Variants in XXYLT1 observed in about 807,000 individuals in gnomAD.
The protein encoded by XXYLT1 is xyloside xylosyltransferase 1.
XXYLT1 carries 20 observed loss-of-function variants against 28.9 expected under a neutral mutation model. The observed-to-expected ratio is 0.69, with a 90% CI of 0.49 to 1.00. The LOEUF is 1.00. Ranked by LOEUF, XXYLT1 falls within the 50% of genes least tolerant of loss-of-function variation. XXYLT1 has a pLI of 0.00. For missense variants in XXYLT1, 542 were observed against 560.1 expected (o/e 0.97, Z 0.33); for synonymous variants, 257 against 253.8 (o/e 1.01, Z -0.12).
intron 3 of XXYLT1, among the ~76,000 whole-genome samples, chr3:195,143,933 TCATCCAG>T (rs1436690589): frequency 1.4e-5 from 2 of 145,670 alleles, no homozygotes; most frequent in Non-Finnish European, 3.0e-5. Context: ...ACTCTTGCTG[TCATCCAG>T]GCTGGAGTGC....
At chr3:195,151,745 T>C (rs557485764) in intron 3 of XXYLT1, among the ~76,000 whole-genome samples, 1 of 152,248 alleles carries the variant, frequency 6.6e-6, no homozygotes, top group South Asian at 2.1e-4. Context: ...ATTTGTTATT[T>C]ATGTGAAGTT....
chr3:195,185,416 A>G (rs767262460), intron 2 of XXYLT1, among the ~76,000 whole-genome samples: 1 of 152,034 alleles, frequency 6.6e-6, no homozygotes, highest in Non-Finnish European at 1.5e-5. Context: ...CCATGAGGAC[A>G]GAGAGACTTC....
In XXYLT1 at chr3:195,110,706, GGT is replaced by G. The variant is rs796574532; in HGVS notation, c.786-40597_786-40596del. The stretch of plus-strand genomic sequence containing the variant: ...GTGTGCTGTATGTGTGCATGTGTGT[GGT>G]GTGTGTGGTGTGTGTGTGTGTGCTG... On this transcript the variant is annotated intron_variant, in intron 3 of 3. Transcript: ENST00000310380. 1.1e-4 allele frequency among the ~76,000 whole-genome samples: 11 copies of G among 102,060 alleles called. 2 individuals are homozygous for G. The East Asian group carries it at 2.3e-3, about 21-fold the overall frequency. The allele number at this position is 102,060 out of a possible 152,430, so 67.0% of individuals were successfully genotyped here.
rs139388287 is a variant in XXYLT1 at position 195,155,588 on chromosome 3, T to C, written c.785+861A>G. ...GAACAAGAACACACAAAAAAGTGCATGCAAACATGAAGCTAAGCTAAGTGG... is the reference window on the plus strand; with the variant it reads ...GAACAAGAACACACAAAAAAGTGCACGCAAACATGAAGCTAAGCTAAGTGG... On this transcript the variant is annotated intron_variant, in intron 3 of 3. Coordinates refer to ENST00000310380, the MANE Select transcript of XXYLT1 (RefSeq NM_152531.5). 7.9e-4 allele frequency among the ~76,000 whole-genome samples: 120 copies of C among 151,380 alleles called. 1 individual carries two copies. Among genetic ancestry groups the C allele is most frequent in the Middle Eastern group, 3.4e-3 (1 of 294 alleles).
At chr3:195,242,394 C>G (rs780779747) in intron 1 of XXYLT1, among the ~76,000 whole-genome samples, 1 of 152,188 alleles carries the variant, frequency 6.6e-6, no homozygotes, top group Non-Finnish European at 1.5e-5. Context: ...GCTGTTGCCT[C>G]AATTTTACAC....
intron 1 of XXYLT1, among the ~76,000 whole-genome samples, chr3:195,228,563 C>T (rs1724160166): frequency 7.0e-6 from 1 of 143,238 alleles, no homozygotes; most frequent in Non-Finnish European, 1.5e-5. Context: ...GCAATCTGGG[C>T]TCACTGACAC....
At position 195,213,712 on chromosome 3, in the gene XXYLT1, G is replaced by A. The variant is rs192782917; in HGVS notation, c.652+12997C>T. Reference sequence around the variant, plus strand: ...GTTTTTTACTGCAGTACCTATCAGAGCTTTTGGTTTGCTCCAAAGGGAAAA... The same window carrying A: ...GTTTTTTACTGCAGTACCTATCAGAACTTTTGGTTTGCTCCAAAGGGAAAA... On this transcript the variant is annotated intron_variant, in intron 2 of 3. Transcript: ENST00000310380. Among the ~76,000 whole-genome samples the A allele has an allele frequency of 4.6e-5, 7 of 152,342 alleles. No homozygotes were observed. The East Asian group carries it at 1.4e-3, about 29-fold the overall frequency.
chr3:195,073,136 G>C (rs550048325), intron 3 of XXYLT1, among the ~76,000 whole-genome samples: 1 of 152,324 alleles, frequency 6.6e-6, no homozygotes, highest in South Asian at 2.1e-4. Flanking sequence ...GATCTCTGAG[G>C]TCCCTTTGAT....
chr3:195,111,562 C>T (rs1158443252), intron 3 of XXYLT1, among the ~76,000 whole-genome samples: 1 of 152,106 alleles, frequency 6.6e-6, no homozygotes, highest in Non-Finnish European at 1.5e-5. Context: ...TGCTCAGTGT[C>T]TCTCATGACG....
Position 195,156,512 on chromosome 3 carries a change from T to G in XXYLT1, c.722A>C (p.Glu241Ala). The G allele has an allele frequency of 6.2e-7, 1 of 1,614,160 alleles. No homozygotes were observed. The highest frequency in any genetic ancestry group is 8.5e-7 in the Non-Finnish European group (1 of 1,180,036). The part of the protein sequence containing the change: ...FKTNIRELFE[E>A]FDSFLPGAII... ...GGCGCCTGGCAGGAAACTGTCAAAT[T>G]CCTCAAACAACTCCCGGATGTTGGT... The change falls in exon 3 of 4, where the codon GAA becomes GCA. Residue 241 changes from glutamate (E) to alanine (A), a missense_variant. Transcript: ENST00000310380.
chr3:195,231,995 A>G (rs1483831039), intron 1 of XXYLT1, among the ~76,000 whole-genome samples: 1 of 152,148 alleles, frequency 6.6e-6, no homozygotes, highest in Admixed American at 6.5e-5. Flanking sequence ...GGTAGAACTT[A>G]GCAGAGAAGC....
intron 3 of XXYLT1, among the ~76,000 whole-genome samples, chr3:195,080,303 AGCGCTG>A (rs1209850777): frequency 6.6e-6 from 1 of 152,208 alleles, no homozygotes; most frequent in Non-Finnish European, 1.5e-5. Context: ...CACCCTTCCT[AGCGCTG>A]GCCCTGGAAG....
intron 1 of XXYLT1, among the ~76,000 whole-genome samples, chr3:195,269,839 C>A (rs745406118): frequency 6.6e-6 from 1 of 152,182 alleles, no homozygotes; most frequent in Non-Finnish European, 1.5e-5. Flanking sequence ...ACAAGGAGAG[C>A]CAGGCAGTGA....
Position 195,205,195 on chromosome 3 carries a change from G to C in XXYLT1, c.652+21514C>G, listed in dbSNP as rs537520928. On this transcript the variant is annotated intron_variant, in intron 2 of 3. Transcript: ENST00000310380. The stretch of plus-strand genomic sequence containing the variant: ...ACTGTACTTTCAGGCATTTATATCA[G>C]AGAAATAAAAATTTATGTCCATACA... Among the ~76,000 whole-genome samples, 50 of 152,314 alleles carry C rather than the reference G, an allele frequency of 3.3e-4. No homozygotes were observed. In the South Asian group the frequency reaches 9.9e-3, roughly 30 times the overall value.
chr3:195,182,150 G>A (rs554615149), intron 2 of XXYLT1, among the ~76,000 whole-genome samples: 25 of 152,196 alleles, frequency 1.6e-4, no homozygotes, highest in African/African-American at 4.6e-4. Flanking sequence ...ATGTGCTCCC[G>A]GGCAAGTCAT....
intron 2 of XXYLT1, chr3:195,175,679 G>C (rs1279041376): frequency 6.5e-7 from 1 of 1,536,170 alleles, no homozygotes; most frequent in Non-Finnish European, 8.7e-7. Flanking sequence ...CACATGACTA[G>C]CTCCTGGCTG....
intron 1 of XXYLT1, among the ~76,000 whole-genome samples, chr3:195,243,543 G>A (rs1724874167): frequency 6.6e-6 from 1 of 152,116 alleles, no homozygotes; most frequent in Non-Finnish European, 1.5e-5. Context: ...CCTTAAATGA[G>A]GTTTTCCTGG....
intron 1 of XXYLT1, among the ~76,000 whole-genome samples, chr3:195,268,084 C>G (rs1402404616): frequency 6.6e-6 from 1 of 151,814 alleles, no homozygotes. Context: ...CTCAGGAGTT[C>G]AAGACCAGCC....
chr3:195,220,689 G>C (rs1723787179), intron 2 of XXYLT1, among the ~76,000 whole-genome samples: 1 of 152,226 alleles, frequency 6.6e-6, no homozygotes, highest in Non-Finnish European at 1.5e-5. Context: ...GCCCCGAGCA[G>C]TACAATGAAT....
Sources: allele counts gnomAD v4.1 joint callset (sites outside exome capture counted in the v4.1 genomes callset), GRCh38; gene constraint gnomAD v4.1.1; transcripts MANE v1.5; gene names NCBI Gene and HGNC (gene_info 2026-07-23, HGNC 2026-07-21).